Variants in DPYD observed in about 807,000 individuals in gnomAD.
The protein encoded by DPYD is dihydropyrimidine dehydrogenase, also known as dihydropyrimidine dehydrogenase [NADP(+)].
A neutral mutation model predicts 116.2 loss-of-function variants in DPYD; 109 were observed. The ratio of observed to expected loss-of-function variants is 0.94; its 90% confidence interval spans 0.80 to 1.10. The LOEUF (loss-of-function observed/expected upper bound fraction) is 1.10. DPYD is among the 50% of genes least tolerant of loss of function. The pLI, the probability that DPYD is intolerant of heterozygous loss-of-function variation, is 0.00. For synonymous variants in DPYD, 440 were observed against 432.0 expected, an observed-to-expected ratio of 1.02 and a Z score of -0.23; for missense variants, 1,302 against 1,254.5, an observed-to-expected ratio of 1.04 and a Z score of -0.57.
At chr1:97,547,449 A>C (rs1207756461) in intron 12 of DPYD, among the ~76,000 whole-genome samples, 1 of 152,126 alleles carries the variant, frequency 6.6e-6, no homozygotes, top group Non-Finnish European at 1.5e-5. Flanking sequence ...TGGAGCCTGA[A>C]CCACTCACCA....
At chr1:97,119,874 T>A (rs185240470) in intron 20 of DPYD, among the ~76,000 whole-genome samples, 1 of 152,248 alleles carries the variant, frequency 6.6e-6, no homozygotes, top group Non-Finnish European at 1.5e-5. Flanking sequence ...GAGGGAGCAG[T>A]TTAAAGATTT....
intron 20 of DPYD, among the ~76,000 whole-genome samples, chr1:97,187,955 T>C (rs1429388052): frequency 2.0e-5 from 3 of 152,218 alleles, no homozygotes; most frequent in Admixed American, 1.3e-4. Flanking sequence ...ACCAGTACCA[T>C]GCTGTTTTTA....
At chr1:97,715,187 T>C (rs1451899141) in intron 5 of DPYD, among the ~76,000 whole-genome samples, 1 of 152,102 alleles carries the variant, frequency 6.6e-6, no homozygotes, top group Non-Finnish European at 1.5e-5. Flanking sequence ...TTGCATGCCC[T>C]CAAGCGTTGT....
At chr1:97,783,973 C>T (rs1031128159) in intron 3 of DPYD, among the ~76,000 whole-genome samples, 1 of 152,158 alleles carries the variant, frequency 6.6e-6, no homozygotes, top group Non-Finnish European at 1.5e-5. Flanking sequence ...ACAGGCAGTA[C>T]ACATATCTTG....
chr1:97,091,470 A>AT (rs1477057854), intron 21 of DPYD, among the ~76,000 whole-genome samples: 5 of 152,162 alleles, frequency 3.3e-5, no homozygotes, highest in Non-Finnish European at 7.3e-5. Context: ...GTGTGCTAAA[A>AT]AACAGCAATA....
intron 2 of DPYD, among the ~76,000 whole-genome samples, chr1:97,881,212 A>G (rs1186532992): frequency 6.6e-6 from 1 of 152,020 alleles, no homozygotes; most frequent in Non-Finnish European, 1.5e-5. Context: ...TTAAGTTAAA[A>G]TGAGGTTATT....
chr1:97,907,056 AGAAAGTGTG>A (rs1308650370), intron 1 of DPYD, among the ~76,000 whole-genome samples: 5 of 152,104 alleles, frequency 3.3e-5, no homozygotes, highest in Admixed American at 6.6e-5. Flanking sequence ...CAGGGAGCTT[AGAAAGTGTG>A]GAGACCCTGG....
At chr1:97,572,771 T>C (rs1652986301) in intron 11 of DPYD, among the ~76,000 whole-genome samples, 1 of 152,038 alleles carries the variant, frequency 6.6e-6, no homozygotes, top group Non-Finnish European at 1.5e-5. Flanking sequence ...TCTGGATGTT[T>C]CCACATACCA....
intron 12 of DPYD, among the ~76,000 whole-genome samples, chr1:97,538,416 C>A (rs889833426): frequency 4.6e-5 from 7 of 152,162 alleles, no homozygotes; most frequent in African/African-American, 1.7e-4. Context: ...TGACCTGGGG[C>A]AGATTTGAAC....
At chr1:97,110,727 C>T (rs1651529294) in intron 20 of DPYD, among the ~76,000 whole-genome samples, 1 of 152,074 alleles carries the variant, frequency 6.6e-6, no homozygotes, top group Non-Finnish European at 1.5e-5. Flanking sequence ...AGGAATTTGT[C>T]CTCCATTCCA....
intron 1 of DPYD, among the ~76,000 whole-genome samples, chr1:97,886,397 C>T (rs1672488011): frequency 6.6e-6 from 1 of 152,016 alleles, no homozygotes; most frequent in African/African-American, 2.4e-5. Context: ...GTTACTCCAT[C>T]CAGCCCCCAC....
intron 8 of DPYD, among the ~76,000 whole-genome samples, chr1:97,644,663 T>C (rs997558902): frequency 2.6e-5 from 4 of 151,112 alleles, no homozygotes; most frequent in African/African-American, 9.7e-5. Context: ...TATCACCACA[T>C]TGGCCAGGCT....
chr1:97,367,721 T>C (rs1384596765), intron 16 of DPYD, among the ~76,000 whole-genome samples: 7 of 152,144 alleles, frequency 4.6e-5, no homozygotes. Context: ...CATTACTAAA[T>C]GAGTGTATAC....
chr1:97,548,074 T>C (rs1651034859), intron 12 of DPYD, among the ~76,000 whole-genome samples: 1 of 152,056 alleles, frequency 6.6e-6, no homozygotes, highest in African/African-American at 2.4e-5. Flanking sequence ...GCATTAAAGA[T>C]AAAGTGAATT....
intron 2 of DPYD, among the ~76,000 whole-genome samples, chr1:97,837,410 G>T (rs913710882): frequency 1.3e-5 from 2 of 152,032 alleles, no homozygotes; most frequent in Non-Finnish European, 2.9e-5. Context: ...TCTTCAGAAG[G>T]CATTTTAAAA....
intron 19 of DPYD, among the ~76,000 whole-genome samples, chr1:97,207,749 G>C (rs1269804109): frequency 7.2e-5 from 11 of 152,058 alleles, no homozygotes; most frequent in Admixed American, 2.6e-4. Flanking sequence ...TAAGGAAAAG[G>C]TCTTCTATCT....
intron 20 of DPYD, among the ~76,000 whole-genome samples, chr1:97,119,690 T>A (rs1652272365): frequency 6.6e-6 from 1 of 152,074 alleles, no homozygotes; most frequent in South Asian, 2.1e-4. Flanking sequence ...ATCCTGACAG[T>A]TTCAGCCCTC....
intron 8 of DPYD, among the ~76,000 whole-genome samples, chr1:97,650,754 T>C (rs1658535251): frequency 6.6e-6 from 1 of 152,114 alleles, no homozygotes; most frequent in Admixed American, 6.5e-5. Flanking sequence ...TCACATTCTT[T>C]ATCATTCCTA....
chr1:97,888,949 G>A (rs1235133277), intron 1 of DPYD, among the ~76,000 whole-genome samples: 1 of 152,046 alleles, frequency 6.6e-6, no homozygotes, highest in Non-Finnish European at 1.5e-5. Context: ...CCAAGGTCAG[G>A]AGTTCAAGAC....
Sources: gnomAD v4.1 joint callset for allele counts (sites outside exome capture counted in the v4.1 genomes callset) on GRCh38, gnomAD v4.1.1 for gene constraint, MANE v1.5 for transcripts, NCBI Gene and HGNC (gene_info 2026-07-23, HGNC 2026-07-21) for gene names.